The following SORCS1 variants were observed in gnomAD, a reference collection of about 807,000 sequenced individuals.
SORCS1 encodes VPS10 domain-containing receptor SorCS1.
A neutral mutation model predicts 146.1 loss-of-function variants in SORCS1; 60 were observed. The observed-to-expected ratio is 0.41, with a 90% CI of 0.33 to 0.51. The LOEUF is 0.51. Among genes scored for constraint, SORCS1 ranks in the 20% least tolerant of loss-of-function variants. The probability of loss-of-function intolerance (pLI) is 0.21; values close to 1 mark genes in which losing one functional copy is unlikely to be tolerated. For missense variants in SORCS1, 1,352 were observed against 1,487.6 expected (o/e 0.91, Z 1.50); for synonymous variants, 637 against 584.0 (o/e 1.09, Z -1.31).
At chr10:107,126,136 G>A (rs539789185) in intron 1 of SORCS1, among the ~76,000 whole-genome samples, 4 of 152,066 alleles carry the variant, frequency 2.6e-5, no homozygotes, top group South Asian at 2.1e-4. Context: ...CTTTGGAAGC[G>A]TCCCTTGAGT....
intron 20 of SORCS1, among the ~76,000 whole-genome samples, chr10:106,618,712 C>T (rs777711665): frequency 1.6e-4 from 24 of 152,056 alleles, no homozygotes; most frequent in East Asian, 1.5e-3. Context: ...CCAGGGTGTA[C>T]GATTTCTGTA....
rs140744370 is a variant in SORCS1 at position 106,574,048 on chromosome 10, CT to C, written c.*3371del. ...AAGTAGTTCCAATACTATAAGAAAA[CT>C]TTTTTTTTTTTTAATTGGCTTCCTA... On this transcript the variant is annotated 3_prime_UTR_variant, in exon 26 of 26. Transcript: ENST00000263054. 4,702 of 120,616 alleles carry C rather than the reference CT, an allele frequency of 0.039. 97 individuals carry two copies. The highest frequency in any genetic ancestry group is 0.058 in the South Asian group (195 of 3,356). 7.5% of individuals were successfully genotyped at this position (120,616 alleles called of 1,614,324 possible).
intron 8 of SORCS1, among the ~76,000 whole-genome samples, chr10:106,701,695 A>G (rs1211577202): frequency 6.6e-6 from 1 of 152,214 alleles, no homozygotes; most frequent in Non-Finnish European, 1.5e-5. Context: ...TAAAGAAGAC[A>G]GTCTAGTAAA....
At chr10:106,786,834 T>C (rs866865194) in intron 3 of SORCS1, among the ~76,000 whole-genome samples, 2 of 152,308 alleles carry the variant, frequency 1.3e-5, no homozygotes, top group African/African-American at 4.8e-5. Context: ...ATCATAGAAT[T>C]CCTGGGATAT....
At chr10:106,795,689 G>C (rs1323491197) in intron 3 of SORCS1, among the ~76,000 whole-genome samples, 1 of 152,138 alleles carries the variant, frequency 6.6e-6, no homozygotes, top group East Asian at 1.9e-4. Flanking sequence ...CAAGGTATTT[G>C]CTACATATTC....
In SORCS1 at chr10:106,596,822, C is replaced by T. The variant is rs182283063; in HGVS notation, c.3265+529G>A. 3.9e-3 allele frequency among the ~76,000 whole-genome samples: 594 copies of T among 152,218 alleles called. 1 individual carries two copies. Among genetic ancestry groups the T allele is most frequent in the Non-Finnish European group, 6.6e-3 (446 of 68,012 alleles). On this transcript the variant is annotated intron_variant, in intron 24 of 25. Coordinates refer to ENST00000263054, the MANE Select transcript of SORCS1 (RefSeq NM_052918.5). ...AAATAAAGCATGCTTCCATGTGAGACGTATATAAGCGGTTTGCTGACAGTT... is the reference window on the plus strand; with the variant it reads ...AAATAAAGCATGCTTCCATGTGAGATGTATATAAGCGGTTTGCTGACAGTT...
intron 1 of SORCS1, among the ~76,000 whole-genome samples, chr10:107,047,136 G>A (rs1959569632): frequency 6.6e-6 from 1 of 152,016 alleles, no homozygotes; most frequent in African/African-American, 2.4e-5. Context: ...TTACAGGTGT[G>A]CACCACCACA....
At chr10:107,041,067 A>T (rs1959134326) in intron 1 of SORCS1, among the ~76,000 whole-genome samples, 1 of 152,218 alleles carries the variant, frequency 6.6e-6, no homozygotes, top group Admixed American at 6.5e-5. Flanking sequence ...GTGTTAAAGA[A>T]TAAGGTAGAT....
intron 6 of SORCS1, among the ~76,000 whole-genome samples, chr10:106,712,032 T>C (rs1371660720): frequency 6.6e-6 from 1 of 152,220 alleles, no homozygotes; most frequent in Non-Finnish European, 1.5e-5. Flanking sequence ...TTCCTGAGTC[T>C]TGCTGTTACT....
intron 1 of SORCS1, among the ~76,000 whole-genome samples, chr10:107,055,373 G>C (rs756704221): frequency 6.6e-6 from 1 of 152,220 alleles, no homozygotes; most frequent in Non-Finnish European, 1.5e-5. Flanking sequence ...GTGAGTTTAA[G>C]TTATACAGGC....
chr10:106,926,854 CACACACACACACAGAGAG>C (rs925477092), intron 2 of SORCS1, among the ~76,000 whole-genome samples: 29 of 104,898 alleles, frequency 2.8e-4, no homozygotes, highest in African/African-American at 3.6e-4. Context: ...CACACACACA[CACACACACACACAGAGAG>C]AGAGAGAGAG....
chr10:106,589,888 CT>C (rs11329943), intron 24 of SORCS1, among the ~76,000 whole-genome samples: 56,772 of 151,790 alleles, frequency 0.37, 13,155 homozygotes, highest in East Asian at 0.73. Flanking sequence ...TTCTAGCAGC[CT>C]TTTTTTCATT....
chr10:106,579,419 G>A lies in SORCS1; in HGVS notation c.3321C>T (p.Leu1107=), dbSNP rs1463178379. 4 of 1,613,888 alleles carry A rather than the reference G, an allele frequency of 2.5e-6. No homozygotes were observed. The highest frequency in any genetic ancestry group is 2.2e-5 in the East Asian group (1 of 44,876). The change falls in exon 25 of 26, where the codon CTC becomes CTT. Residue 1107 remains leucine, a synonymous_variant. Transcript: ENST00000263054. ...THSGSAMLML[L]SVVFVGLAVF... Reference sequence around the variant, plus strand: ...CTGCCAGCCCCACAAACACCACTGAGAGCAGCATCAGCATGGCAGATCCAC... The same window carrying A: ...CTGCCAGCCCCACAAACACCACTGAAAGCAGCATCAGCATGGCAGATCCAC...
intron 5 of SORCS1, among the ~76,000 whole-genome samples, chr10:106,739,496 A>G (rs1391259855): frequency 6.6e-6 from 1 of 150,496 alleles, no homozygotes; most frequent in Non-Finnish European, 1.5e-5. Flanking sequence ...CAAAAAGAAA[A>G]AAAAAAAAAA....
chr10:106,597,923 T>C (rs879681668), intron 23 of SORCS1, among the ~76,000 whole-genome samples: 1 of 152,204 alleles, frequency 6.6e-6, no homozygotes, highest in African/African-American at 2.4e-5. Context: ...AAATATGCAA[T>C]TGAAACAAAG....
intron 2 of SORCS1, among the ~76,000 whole-genome samples, chr10:106,911,605 C>T (rs539195715): frequency 6.6e-6 from 1 of 152,258 alleles, no homozygotes; most frequent in African/African-American, 2.4e-5. Context: ...CTGTCAGCAC[C>T]TGCAGTCACA....
chr10:107,030,921 AGAG>A (rs762401304), intron 1 of SORCS1, among the ~76,000 whole-genome samples: 15 of 152,214 alleles, frequency 9.9e-5, no homozygotes, highest in Non-Finnish European at 1.9e-4. Flanking sequence ...TGTAGAGGGC[AGAG>A]GAGATGCCAA....
At chr10:106,607,906 G>C (rs938218637) in intron 22 of SORCS1, among the ~76,000 whole-genome samples, 1 of 152,098 alleles carries the variant, frequency 6.6e-6, no homozygotes, top group African/African-American at 2.4e-5. Flanking sequence ...TGCAGCATCA[G>C]ACCTGATGAC....
At chr10:106,621,699 A>G (rs1027896153) in intron 19 of SORCS1, among the ~76,000 whole-genome samples, 1 of 151,920 alleles carries the variant, frequency 6.6e-6, no homozygotes, top group Non-Finnish European at 1.5e-5. Flanking sequence ...ATTAACACTC[A>G]TATTCATCCA....
Sources: gnomAD v4.1 joint callset for allele counts (sites outside exome capture counted in the v4.1 genomes callset) on GRCh38, gnomAD v4.1.1 for gene constraint, MANE v1.5 for transcripts, NCBI Gene and HGNC (gene_info 2026-07-23, HGNC 2026-07-21) for gene names.